The following DLG3 variants were observed in gnomAD, a reference collection of about 807,000 sequenced individuals.
The protein encoded by DLG3 is disks large homolog 3.
DLG3 carries 1 observed loss-of-function variant against 64.1 expected under a neutral mutation model. The ratio of observed to expected loss-of-function variants is 0.02; its 90% CI spans 0.01 to 0.07. The LOEUF is 0.07. Among genes scored for constraint, DLG3 ranks in the 10% least tolerant of loss-of-function variants. The pLI is 1.00. For missense variants in DLG3, 429 were observed against 669.5 expected (o/e 0.64, Z 3.96); for synonymous variants, 245 against 259.8 (o/e 0.94, Z 0.55).
rs566458164 is a variant in DLG3, at chrX:70,448,400, G to A, written c.358-513G>A. On this transcript the variant is annotated intron_variant, in intron 1 of 18. Transcript: ENST00000374360. ...ACCTACTGTCACATAAAGGGGATAG[G>A]ACAAGATGATGTCTGCTGTCCTTCC... Among the ~76,000 whole-genome samples the A allele has an allele frequency of 3.5e-4, 39 of 112,450 alleles. 2 individuals carry two copies. In the South Asian group the frequency reaches 0.014, roughly 42 times the overall value.
intron 9 of DLG3, among the ~76,000 whole-genome samples, chrX:70,460,377 G>C (rs2086783308): frequency 1.8e-5 from 2 of 110,706 alleles, no homozygotes; most frequent in African/African-American, 6.6e-5. Context: ...TAGATGGCCT[G>C]CTGGGAAGCC....
chrX:70,466,407 T>C (rs1231230710), intron 9 of DLG3, among the ~76,000 whole-genome samples: 8 of 108,893 alleles, frequency 7.3e-5, no homozygotes, highest in African/African-American at 2.7e-4. Flanking sequence ...GTCATATATA[T>C]TGCAAAGACT....
In DLG3 at chrX:70,501,088, G is replaced by A. The variant is rs191866834; in HGVS notation, c.2347+99G>A. 1.5e-3 allele frequency: 1,000 copies of A among 678,123 alleles called. 6 individuals are homozygous for A. The African/African-American group carries it at 0.02, about 13-fold the overall frequency. The allele number at this position is 678,123 out of a possible 1,213,427, so 55.9% of individuals were successfully genotyped here. A position where few individuals can be genotyped will look rare whatever the true frequency, so the allele number is the denominator to read the frequency against. On this transcript the variant is annotated intron_variant, in intron 18 of 18. Coordinates refer to ENST00000374360, the MANE Select transcript of DLG3 (RefSeq NM_021120.4). ...GGTGTAGACAGAATGTAGAAACCTT[G>A]CACGGAGTTTCCAGTTGCTTTTAAG... is the stretch of plus-strand genomic sequence containing the variant.
At position 70,453,727 on chromosome X, in the gene DLG3, C is replaced by T; in HGVS notation, c.1236C>T (p.Ser412=). The T allele has an allele frequency of 8.3e-7, 1 of 1,207,920 alleles. No homozygotes were observed. Among genetic ancestry groups the T allele is most frequent in the East Asian group, 3.0e-5 (1 of 33,745 alleles). The part of the protein sequence containing the change: ...GGEDGEGIFV[S]FILAGGPADL... ...AGGATGGAGAAGGCATTTTTGTCTC[C>T]TTCATCCTGGCAGGAGGCCCAGCTG... The change falls in exon 8 of 19, where the codon TCC becomes TCT. Residue 412 remains serine, a synonymous_variant. Coordinates refer to ENST00000374360, the MANE Select transcript of DLG3 (RefSeq NM_021120.4).
chrX:70,489,125 T>C (rs913653982), intron 10 of DLG3, among the ~76,000 whole-genome samples: 3 of 111,770 alleles, frequency 2.7e-5, no homozygotes, highest in South Asian at 3.7e-4. Flanking sequence ...ATTGGCTTAA[T>C]GTTTTTTGAA....
intron 6 of DLG3, among the ~76,000 whole-genome samples, chrX:70,451,334 C>T (rs1000290295): frequency 9.0e-5 from 10 of 111,221 alleles, no homozygotes; most frequent in Admixed American, 5.7e-4. Context: ...ATCTCCTGAC[C>T]TCGTGATCCA....
chrX:70,462,243 C>CTTTTTTTTTTTTT (rs141689653), intron 9 of DLG3, among the ~76,000 whole-genome samples: 29 of 46,982 alleles, frequency 6.2e-4, no homozygotes, highest in African/African-American at 7.5e-4. Context: ...TTCTTTCTTT[C>CTTTTTTTTTTTTT]TTTTTTTTTT....
chrX:70,503,255 A>C lies in DLG3; in HGVS notation c.*986A>C, dbSNP rs2087598464. 1 of 112,760 alleles carries C rather than the reference A, an allele frequency of 8.9e-6. No homozygotes were observed. Among genetic ancestry groups the C allele is most frequent in the South Asian group, 3.7e-4 (1 of 2,727 alleles). 9.3% of individuals were successfully genotyped at this position (112,760 alleles called of 1,213,427 possible). A position where few individuals can be genotyped will look rare whatever the true frequency, so the allele number is the denominator to read the frequency against. ...TTTGTTCCTTTTTAAGCTGCTGTTA[A>C]ACCAAAACCATGTTGTGCTACTGTG... is the stretch of plus-strand genomic sequence containing the variant. On this transcript the variant is annotated 3_prime_UTR_variant, in exon 19 of 19. Coordinates refer to ENST00000374360, the MANE Select transcript of DLG3 (RefSeq NM_021120.4).
intron 13 of DLG3, chrX:70,497,035 T>C: frequency 5.2e-6 from 3 of 577,218 alleles, no homozygotes; most frequent in Non-Finnish European, 6.0e-6. Context: ...TGCCTCCCAG[T>C]TGGTAGCCTG....
Position 70,503,047 on chromosome X carries a change from G to A in DLG3, c.*778G>A, listed in dbSNP as rs1256769857. ...CTTGAGAGCTAGGAGGGGTCAGCCT[G>A]AGGCCGGAGAGGAAGGGCTTTTGCC... On this transcript the variant is annotated 3_prime_UTR_variant, in exon 19 of 19. Coordinates refer to ENST00000374360, the MANE Select transcript of DLG3 (RefSeq NM_021120.4). The A allele has an allele frequency of 9.0e-6, 1 of 111,131 alleles. No homozygotes were observed. Among genetic ancestry groups the A allele is most frequent in the Non-Finnish European group, 1.9e-5 (1 of 52,994 alleles). 9.2% of individuals were successfully genotyped at this position (111,131 alleles called of 1,213,427 possible). A position where few individuals can be genotyped will look rare whatever the true frequency, so the allele number is the denominator to read the frequency against.
intron 9 of DLG3, among the ~76,000 whole-genome samples, chrX:70,472,923 G>A (rs1054639391): frequency 1.8e-5 from 2 of 110,924 alleles, no homozygotes; most frequent in African/African-American, 6.6e-5. Flanking sequence ...TTGGGAGGCC[G>A]AGGTGGGCAG....
intron 13 of DLG3, 133 bp from the exon 14 acceptor site, chrX:70,498,387 A>G: frequency 3.4e-6 from 2 of 592,477 alleles, no homozygotes; most frequent in African/African-American, 2.2e-5. Context: ...CACCAGCAGA[A>G]AACAGAAAGG....
chrX:70,457,415 G>A (rs2086727622), intron 9 of DLG3, among the ~76,000 whole-genome samples: 1 of 111,838 alleles, frequency 8.9e-6, no homozygotes, highest in Non-Finnish European at 1.9e-5. Flanking sequence ...TTAAAAAATA[G>A]GTTTGACTAA....
rs185511568 is a variant in DLG3 at position 70,469,989 on chromosome X, A to G, written c.1406-9161A>G. 5.6e-3 allele frequency among the ~76,000 whole-genome samples: 628 copies of G among 111,928 alleles called. 2 individuals are homozygous for G. Among genetic ancestry groups the G allele is most frequent in the African/African-American group, 0.02 (601 of 30,804 alleles). On this transcript the variant is annotated intron_variant, in intron 9 of 18. Transcript: ENST00000374360. ...TTGAGATTTGAATGTCTGCACTTCCATAAGATGGAAAGAACTTTTTGGGCA... is the reference window on the plus strand; with the variant it reads ...TTGAGATTTGAATGTCTGCACTTCCGTAAGATGGAAAGAACTTTTTGGGCA...
chrX:70,501,413 C>CTGTCTGTG (rs1421730747), intron 18 of DLG3, among the ~76,000 whole-genome samples: 2 of 93,884 alleles, frequency 2.1e-5, no homozygotes, highest in African/African-American at 4.1e-5. Context: ...GTCTGTCTGT[C>CTGTCTGTG]TGTGTGTGTG....
At chrX:70,476,383 A>G (rs1283736450) in intron 9 of DLG3, among the ~76,000 whole-genome samples, 1 of 111,256 alleles carries the variant, frequency 9.0e-6, no homozygotes, top group Non-Finnish European at 1.9e-5. Context: ...ATTGGCTGCG[A>G]TGGCTGTGTT....
At chrX:70,446,336 G>A (rs1214657562) in intron 1 of DLG3, among the ~76,000 whole-genome samples, 1 of 107,243 alleles carries the variant, frequency 9.3e-6, no homozygotes, top group Non-Finnish European at 1.9e-5. Context: ...GGAAGGAGGC[G>A]AGAGACATGT....
At chrX:70,447,916 T>C (rs761096605) in intron 1 of DLG3, among the ~76,000 whole-genome samples, 16 of 111,974 alleles carry the variant, frequency 1.4e-4, no homozygotes, top group Non-Finnish European at 2.6e-4. Flanking sequence ...CTACTACATA[T>C]TGAAAACCAT....
chrX:70,478,663 T>A (rs1473259013), intron 9 of DLG3, among the ~76,000 whole-genome samples: 1 of 111,248 alleles, frequency 9.0e-6, no homozygotes, highest in East Asian at 2.8e-4. Context: ...CTGAAAAAAT[T>A]GTCTTCTTGC....
Sources: gnomAD v4.1 joint callset for allele counts (sites outside exome capture counted in the v4.1 genomes callset) on GRCh38, gnomAD v4.1.1 for gene constraint, MANE v1.5 for transcripts, NCBI Gene and HGNC (gene_info 2026-07-23, HGNC 2026-07-21) for gene names.